Variants in MAPK4 observed in about 807,000 individuals in gnomAD.
MAPK4 encodes mitogen-activated protein kinase 4.
In MAPK4, 22 loss-of-function variants were observed where a neutral mutation model predicts 47.7. That is an observed-to-expected ratio of 0.46 (90% confidence interval 0.33 to 0.66). The LOEUF (loss-of-function observed/expected upper bound fraction) is 0.66, where lower values mean the gene tolerates loss of function less well. Ranked by LOEUF, MAPK4 falls within the 30% of genes least tolerant of loss-of-function variation. MAPK4 has a pLI of 0.02. For missense variants in MAPK4, 736 were observed against 831.7 expected (o/e 0.88, Z 1.42); for synonymous variants, 390 against 365.7 (o/e 1.07, Z -0.76).
intron 1 of MAPK4, among the ~76,000 whole-genome samples, chr18:50,620,735 T>G (rs2042724357): frequency 6.6e-6 from 1 of 151,898 alleles, no homozygotes; most frequent in East Asian, 1.9e-4. Context: ...TGAGACTCTA[T>G]CTCTATAAAA....
At chr18:50,643,393 T>G (rs1447815416) in intron 1 of MAPK4, among the ~76,000 whole-genome samples, 1 of 152,166 alleles carries the variant, frequency 6.6e-6, no homozygotes, top group Non-Finnish European at 1.5e-5. Context: ...TGGTGCACAC[T>G]TGTAATCCCA....
chr18:50,657,459 C>T (rs924273616), intron 1 of MAPK4, among the ~76,000 whole-genome samples: 38 of 152,100 alleles, frequency 2.5e-4, no homozygotes, highest in African/African-American at 8.4e-4. Flanking sequence ...GAAGCTGAGG[C>T]CGGAGTCATT....
At chr18:50,595,899 T>A (rs2042477781) in intron 1 of MAPK4, among the ~76,000 whole-genome samples, 1 of 152,200 alleles carries the variant, frequency 6.6e-6, no homozygotes, top group Non-Finnish European at 1.5e-5. Context: ...GCCAAGTTTC[T>A]CTTCTTTTTA....
intron 2 of MAPK4, among the ~76,000 whole-genome samples, chr18:50,682,116 T>A (rs1378243330): frequency 6.6e-6 from 1 of 152,152 alleles, no homozygotes; most frequent in Non-Finnish European, 1.5e-5. Flanking sequence ...AGTTTTTTGT[T>A]AGGTTGTTGA....
At chr18:50,607,225 C>T (rs2042590391) in intron 1 of MAPK4, among the ~76,000 whole-genome samples, 1 of 152,094 alleles carries the variant, frequency 6.6e-6, no homozygotes, top group Non-Finnish European at 1.5e-5. Context: ...TTCAATAATT[C>T]CTTCTCACAA....
At position 50,696,172 on chromosome 18, in the gene MAPK4, G is replaced by A. The variant is rs141852746; in HGVS notation, c.547-18907G>A. 5.0e-3 allele frequency among the ~76,000 whole-genome samples: 752 copies of A among 151,716 alleles called. 3 individuals are homozygous for A. Among genetic ancestry groups the A allele is most frequent in the African/African-American group, 0.017 (699 of 41,356 alleles). On this transcript the variant is annotated intron_variant, in intron 2 of 5. Transcript: ENST00000400384. ...CCTTACCCTGTGCTGGAGCTCCCAAGAGTCAGGGCACCAGCGGAGCCAGGA... is the reference window on the plus strand; with the variant it reads ...CCTTACCCTGTGCTGGAGCTCCCAAAAGTCAGGGCACCAGCGGAGCCAGGA...
chr18:50,572,988 C>G (rs1034638294), intron 1 of MAPK4, among the ~76,000 whole-genome samples: 17 of 152,154 alleles, frequency 1.1e-4, no homozygotes, highest in Admixed American at 1.1e-3. Flanking sequence ...GTATAGCTGT[C>G]TATACAGGGG....
chr18:50,612,488 A>C (rs1255411345), intron 1 of MAPK4, among the ~76,000 whole-genome samples: 1 of 152,304 alleles, frequency 6.6e-6, no homozygotes, highest in East Asian at 1.9e-4. Context: ...TGGATAATTA[A>C]ACAGGACTTG....
chr18:50,724,957 G>A (rs1038998586), intron 4 of MAPK4, among the ~76,000 whole-genome samples: 5 of 152,218 alleles, frequency 3.3e-5, no homozygotes, highest in Admixed American at 2.0e-4. Context: ...TAGTCCTTGC[G>A]CTGAGATAAC....
chr18:50,572,487 CAT>C (rs1237548106), intron 1 of MAPK4, among the ~76,000 whole-genome samples: 1 of 152,134 alleles, frequency 6.6e-6, no homozygotes, highest in Non-Finnish European at 1.5e-5. Context: ...GTCTTGTTTC[CAT>C]ATGTCTATAC....
chr18:50,647,970 T>A (rs963176479), intron 1 of MAPK4, among the ~76,000 whole-genome samples: 2 of 152,146 alleles, frequency 1.3e-5, no homozygotes, highest in Non-Finnish European at 2.9e-5. Context: ...CATCATTTTT[T>A]ATTCATCAAC....
At chr18:50,684,111 G>A (rs552921511) in intron 2 of MAPK4, among the ~76,000 whole-genome samples, 1 of 152,320 alleles carries the variant, frequency 6.6e-6, no homozygotes, top group East Asian at 1.9e-4. Context: ...GGAAGTCGGA[G>A]TAGAGAGAGG....
intron 2 of MAPK4, among the ~76,000 whole-genome samples, chr18:50,671,590 C>A (rs1039294636): frequency 3.9e-5 from 6 of 152,130 alleles, no homozygotes; most frequent in African/African-American, 1.4e-4. Flanking sequence ...GCGGGGTTTA[C>A]ATGGGTTTAA....
chr18:50,694,348 G>A (rs1598920314), intron 2 of MAPK4, among the ~76,000 whole-genome samples: 1 of 152,070 alleles, frequency 6.6e-6, no homozygotes, highest in East Asian at 1.9e-4. Flanking sequence ...CTATCCCATG[G>A]GCCAAACACG....
chr18:50,607,698 T>G (rs1420558399), intron 1 of MAPK4, among the ~76,000 whole-genome samples: 1 of 152,234 alleles, frequency 6.6e-6, no homozygotes, highest in Non-Finnish European at 1.5e-5. Context: ...TGTATTTCCA[T>G]CAGTCATCCA....
chr18:50,597,078 A>G (rs1380686018), intron 1 of MAPK4, among the ~76,000 whole-genome samples: 1 of 152,236 alleles, frequency 6.6e-6, no homozygotes, highest in Non-Finnish European at 1.5e-5. Flanking sequence ...CAGTTAAGAT[A>G]TAGAATGTTT....
At chr18:50,592,449 C>T (rs1013672909) in intron 1 of MAPK4, among the ~76,000 whole-genome samples, 1 of 152,102 alleles carries the variant, frequency 6.6e-6, no homozygotes, top group Non-Finnish European at 1.5e-5. Context: ...TGATAGATCT[C>T]AATAAGAGAA....
At chr18:50,637,069 C>T (rs181812196) in intron 1 of MAPK4, among the ~76,000 whole-genome samples, 7 of 151,872 alleles carry the variant, frequency 4.6e-5, no homozygotes, top group African/African-American at 9.6e-5. Context: ...GAACACTGGA[C>T]GGGAGCTCAG....
At chr18:50,669,988 T>G (rs1907829710) in intron 2 of MAPK4, 1 of 152,052 alleles carries the variant, frequency 6.6e-6, no homozygotes, top group East Asian at 1.9e-4. Flanking sequence ...TGAAACCCCG[T>G]CTCTCCTAAA....
Sources: allele counts gnomAD v4.1 joint callset (sites outside exome capture counted in the v4.1 genomes callset), GRCh38; gene constraint gnomAD v4.1.1; transcripts MANE v1.5; gene names NCBI Gene and HGNC (gene_info 2026-07-23, HGNC 2026-07-21).